The following C12orf42 variants were observed in gnomAD, a reference collection of about 807,000 sequenced individuals.
The protein encoded by C12orf42 is chromosome 12 open reading frame 42.
Under a neutral mutation model 21.6 loss-of-function variants are expected in C12orf42, and 25 were observed. That is an observed-to-expected ratio of 1.16 (90% CI 0.84 to 1.62). C12orf42 has a LOEUF of 1.62. C12orf42 is among the 40% of genes most tolerant of loss of function. C12orf42 has a pLI of 0.00. For missense variants in C12orf42, 483 were observed against 459.3 expected (o/e 1.05, Z -0.47); for synonymous variants, 174 against 175.0 (o/e 0.99, Z 0.05).
chr12:103,194,951 C>T, the C12orf42 span, among the ~76,000 whole-genome samples: 1 of 152,128 alleles, frequency 6.6e-6, no homozygotes, highest in Non-Finnish European at 1.5e-5. Context: ...TCTCCTTCCA[C>T]CTTCCAGCTT....
At position 103,306,296 on chromosome 12, in the gene C12orf42, A is replaced by G; in HGVS notation, c.309T>C (p.His103=). ...QNSMACKRLL[H]TCQYIVPRCS... ...ACCTGGGGACTATGTACTGGCAAGT[A>G]TGAAGTAGTCTTTTACACGCCATTG... The change falls in exon 5 of 6, where the codon CAT becomes CAC. Residue 103 remains histidine, a synonymous_variant. Transcript: ENST00000548883. 1 of 1,613,412 alleles carries G rather than the reference A, an allele frequency of 6.2e-7. No homozygotes were observed. The highest frequency in any genetic ancestry group is 8.5e-7 in the Non-Finnish European group (1 of 1,179,642).
intron 4 of C12orf42, among the ~76,000 whole-genome samples, chr12:103,353,394 G>C (rs1008315248): frequency 6.6e-6 from 1 of 152,048 alleles, no homozygotes; most frequent in Non-Finnish European, 1.5e-5. Context: ...AGCATGCTAA[G>C]GAAGATAGTT....
In C12orf42 at chr12:103,356,473, C is replaced by A. The variant is rs969559300; in HGVS notation, c.259+12414G>T. On this transcript the variant is annotated intron_variant, in intron 4 of 5. Transcript: ENST00000548883. Reference sequence around the variant, plus strand: ...AAGTCTTTGCTATTGTGAATAGTGCCGCAATAAACATACGTGTCCATGTGT... The same window carrying A: ...AAGTCTTTGCTATTGTGAATAGTGCAGCAATAAACATACGTGTCCATGTGT... 5.9e-5 allele frequency among the ~76,000 whole-genome samples: 9 copies of A among 151,954 alleles called. No homozygotes were observed. The East Asian group carries it at 1.2e-3, about 20-fold the overall frequency.
the C12orf42 span, among the ~76,000 whole-genome samples, chr12:103,114,799 G>A: frequency 1.3e-5 from 2 of 152,170 alleles, no homozygotes; most frequent in African/African-American, 4.8e-5. Context: ...GACTTTTTCT[G>A]TTTATTACCC....
At chr12:103,481,080 G>A (rs1954436769) in intron 1 of C12orf42, among the ~76,000 whole-genome samples, 1 of 151,628 alleles carries the variant, frequency 6.6e-6, no homozygotes, top group Non-Finnish European at 1.5e-5. Context: ...AAAGTTTAGA[G>A]TTATATCTTC....
the C12orf42 span, among the ~76,000 whole-genome samples, chr12:103,129,206 A>C: frequency 6.6e-6 from 1 of 152,194 alleles, no homozygotes; most frequent in Non-Finnish European, 1.5e-5. Context: ...ACGGAGAGAG[A>C]GAAACTGCTG....
intron 2 of C12orf42, among the ~76,000 whole-genome samples, chr12:103,427,616 G>A (rs1949943788): frequency 6.6e-6 from 1 of 152,064 alleles, no homozygotes; most frequent in South Asian, 2.1e-4. Context: ...TTCAGCTCTG[G>A]ACCAAGTGGA....
At chr12:103,343,494 T>C (rs1244984361) in intron 4 of C12orf42, among the ~76,000 whole-genome samples, 2 of 152,076 alleles carry the variant, frequency 1.3e-5, no homozygotes, top group African/African-American at 4.8e-5. Flanking sequence ...AAACACTTTC[T>C]GAGGCCGGGC....
the C12orf42 span, among the ~76,000 whole-genome samples, chr12:103,526,320 T>C: frequency 1.3e-5 from 2 of 152,226 alleles, no homozygotes; most frequent in African/African-American, 2.4e-5. Flanking sequence ...CAGAACTCAA[T>C]TCTTAAAATC....
At chr12:103,085,833 C>G in the C12orf42 span, among the ~76,000 whole-genome samples, 1 of 152,180 alleles carries the variant, frequency 6.6e-6, no homozygotes, top group Non-Finnish European at 1.5e-5. Flanking sequence ...TCCTCTGGCA[C>G]TAACCCTGGT....
intron 4 of C12orf42, among the ~76,000 whole-genome samples, chr12:103,356,983 C>T (rs564176439): frequency 2.0e-5 from 3 of 152,020 alleles, no homozygotes; most frequent in Admixed American, 6.6e-5. Context: ...ATGATGAGTT[C>T]ATGTCCTTTG....
At chr12:103,160,497 C>T in the C12orf42 span, among the ~76,000 whole-genome samples, 44 of 152,246 alleles carry the variant, frequency 2.9e-4, no homozygotes, top group African/African-American at 1.0e-3. Flanking sequence ...AATTTTTCCC[C>T]CAAGTAAAGC....
At chr12:103,421,042 G>A (rs1422470209) in intron 2 of C12orf42, among the ~76,000 whole-genome samples, 1 of 152,034 alleles carries the variant, frequency 6.6e-6, no homozygotes, top group Admixed American at 6.6e-5. Context: ...ATACCTTTAA[G>A]TAATCACAGT....
intron 4 of C12orf42, among the ~76,000 whole-genome samples, chr12:103,334,574 ATACCAT>A (rs2041524287): frequency 6.6e-6 from 1 of 152,164 alleles, no homozygotes; most frequent in East Asian, 1.9e-4. Flanking sequence ...TTATTTTCAC[ATACCAT>A]GTGACTCCAA....
At chr12:103,093,174 C>G in the C12orf42 span, among the ~76,000 whole-genome samples, 16 of 152,140 alleles carry the variant, frequency 1.1e-4, no homozygotes, top group South Asian at 2.1e-4. Context: ...TTTCTCACAC[C>G]TGGTTTCTTA....
At chr12:103,103,001 G>A in the C12orf42 span, among the ~76,000 whole-genome samples, 1 of 152,120 alleles carries the variant, frequency 6.6e-6, no homozygotes, top group African/African-American at 2.4e-5. Context: ...ATACACATGA[G>A]AGTTTATTTC....
intron 3 of C12orf42, among the ~76,000 whole-genome samples, chr12:103,371,019 T>C (rs1432029009): frequency 6.6e-6 from 1 of 152,182 alleles, no homozygotes; most frequent in Non-Finnish European, 1.5e-5. Flanking sequence ...GATTTGGATA[T>C]TGTATAGATT....
At chr12:103,492,834 C>T (rs1180976303) in intron 1 of C12orf42, among the ~76,000 whole-genome samples, 1 of 152,198 alleles carries the variant, frequency 6.6e-6, no homozygotes, top group Non-Finnish European at 1.5e-5. Flanking sequence ...ATCCACACCC[C>T]CATCTTGATT....
the C12orf42 span, among the ~76,000 whole-genome samples, chr12:103,507,223 AT>A: frequency 3.7e-4 from 14 of 37,650 alleles, no homozygotes; most frequent in South Asian, 1.3e-3. Flanking sequence ...TAATATATAA[AT>A]ATAAATATAT....
Sources: gnomAD v4.1 joint callset for allele counts (sites outside exome capture counted in the v4.1 genomes callset) on GRCh38, gnomAD v4.1.1 for gene constraint, MANE v1.5 for transcripts, NCBI Gene and HGNC (gene_info 2026-07-23, HGNC 2026-07-21) for gene names.